Variants in MAPK8 observed in about 807,000 individuals in gnomAD.
MAPK8 encodes JUN N-terminal kinase.
A neutral mutation model predicts 52.9 loss-of-function variants in MAPK8; 13 were observed. The observed-to-expected ratio is 0.25, with a 90% CI of 0.16 to 0.39. MAPK8 has a LOEUF of 0.39. MAPK8 is among the 10% of genes least tolerant of loss of function. MAPK8 has a pLI of 1.00. For synonymous variants in MAPK8, 191 were observed against 169.8 expected, an observed-to-expected ratio of 1.12 and a Z score of -0.97; for missense variants, 300 against 519.2, an observed-to-expected ratio of 0.58 and a Z score of 4.10.
chr10:48,413,540 C>T (rs74434741), intron 5 of MAPK8, among the ~76,000 whole-genome samples: 28,886 of 151,658 alleles, frequency 0.19, 2,932 homozygotes, highest in South Asian at 0.29. Flanking sequence ...CACTTGATTG[C>T]CGTAAACCTT....
Position 48,435,244 on chromosome 10 carries a change from T to C in MAPK8, c.*215T>C. On this transcript the variant is annotated 3_prime_UTR_variant, in exon 12 of 12. Coordinates refer to ENST00000374189, the MANE Select transcript of MAPK8 (RefSeq NM_001323329.2). ...CAGCAACAAAACTGTATTGTATTTT[T>C]TTTGCTGTAATTAACTGTATAATGT... The C allele has an allele frequency of 2.3e-6, 1 of 443,982 alleles. No individual in the cohort carries two copies. Among genetic ancestry groups the C allele is most frequent in the Non-Finnish European group, 4.0e-6 (1 of 252,986 alleles). The allele number at this position is 443,982 out of a possible 1,614,324, so 27.5% of individuals were successfully genotyped here.
intron 3 of MAPK8, among the ~76,000 whole-genome samples, chr10:48,406,607 A>T (rs2042484902): frequency 1.3e-5 from 2 of 152,224 alleles, no homozygotes. Flanking sequence ...ATAAAGCTAA[A>T]TATGGGAAAA....
Position 48,307,840 on chromosome 10 carries a change from AC to A in MAPK8, c.-50+1021del, listed in dbSNP as rs1841558593. Among the ~76,000 whole-genome samples the A allele has an allele frequency of 2.0e-5, 3 of 152,150 alleles. No homozygotes were observed. The South Asian group carries it at 6.2e-4, about 31-fold the overall frequency. ...TTCATTCATTCAGCAGCTGTTTAGT[AC>A]CGTACTCAGATGAAGAGGTTTGGTG... is the stretch of plus-strand genomic sequence containing the variant. On this transcript the variant is annotated intron_variant, in intron 1 of 11. Coordinates refer to ENST00000374189, the MANE Select transcript of MAPK8 (RefSeq NM_001323329.2).
In MAPK8 at chr10:48,437,576, C is replaced by T. The variant is rs1339864527; in HGVS notation, c.*2547C>T. ...GTCTTCCTGGTTACTATTCTCTTCCCTCTAATATATACTGGCCATTTGTAA... is the reference window on the plus strand; with the variant it reads ...GTCTTCCTGGTTACTATTCTCTTCCTTCTAATATATACTGGCCATTTGTAA... On this transcript the variant is annotated 3_prime_UTR_variant, in exon 12 of 12. Transcript: ENST00000374189. The T allele has an allele frequency of 6.6e-6, 1 of 152,092 alleles. No homozygotes were observed. The highest frequency in any genetic ancestry group is 1.5e-5 in the Non-Finnish European group (1 of 68,014). The allele number at this position is 152,092 out of a possible 1,614,324, so 9.4% of individuals were successfully genotyped here.
chr10:48,343,635 C>T (rs1845508183), intron 1 of MAPK8, among the ~76,000 whole-genome samples: 1 of 152,126 alleles, frequency 6.6e-6, no homozygotes, highest in Admixed American at 6.5e-5. Flanking sequence ...AATCAGTAGC[C>T]TCAGAGAGTG....
At chr10:48,405,106 G>GATATATATATATATAT (rs10657070) in intron 3 of MAPK8, 125 bp downstream of exon 3, 6 of 228,476 alleles carry the variant, frequency 2.6e-5, no homozygotes, top group African/African-American at 1.2e-4. Context: ...GTTTAAAAGG[G>GATATATATATATATAT]ATATATATAT....
rs1195223263 is a variant in MAPK8 at position 48,420,187 on chromosome 10, T to G, written c.483T>G (p.Ser161=). The change falls in exon 6 of 12, where the codon TCT becomes TCG. Residue 161 remains serine, a synonymous_variant. Transcript: ENST00000374189. ...AGCCCAGTAATATAGTAGTAAAATCTGATTGCACTTTGAAGATTCTTGACT... is the reference window on the plus strand; with the variant it reads ...AGCCCAGTAATATAGTAGTAAAATCGGATTGCACTTTGAAGATTCTTGACT... The part of the protein sequence containing the change: ...DLKPSNIVVK[S]DCTLKILDFG... 6.2e-7 allele frequency: 1 copy of G among 1,613,790 alleles called. No individual in the cohort carries two copies. Among genetic ancestry groups the G allele is most frequent in the Admixed American group, 1.7e-5 (1 of 59,962 alleles).
At chr10:48,379,245 T>G (rs1443086064) in intron 1 of MAPK8, among the ~76,000 whole-genome samples, 3 of 152,204 alleles carry the variant, frequency 2.0e-5, no homozygotes, top group Non-Finnish European at 2.9e-5. Flanking sequence ...GTGACATTCT[T>G]TACATACCGC....
At chr10:48,405,258 T>C (rs1418231858) in intron 3 of MAPK8, among the ~76,000 whole-genome samples, 2 of 152,172 alleles carry the variant, frequency 1.3e-5, no homozygotes, top group East Asian at 3.8e-4. Context: ...GAGAAGAATT[T>C]TATTCAGCTT....
chr10:48,378,678 T>G (rs2040813791), intron 1 of MAPK8, among the ~76,000 whole-genome samples: 1 of 152,076 alleles, frequency 6.6e-6, no homozygotes, highest in South Asian at 2.1e-4. Context: ...GTTATAGTTT[T>G]CTTATGAAAC....
At chr10:48,339,048 A>G (rs1455709740) in intron 1 of MAPK8, among the ~76,000 whole-genome samples, 2 of 152,196 alleles carry the variant, frequency 1.3e-5, no homozygotes, top group Non-Finnish European at 2.9e-5. Context: ...CTATCAAATT[A>G]CCAATGTGAT....
chr10:48,373,346 A>G (rs182100014), intron 1 of MAPK8, among the ~76,000 whole-genome samples: 140 of 152,132 alleles, frequency 9.2e-4, no homozygotes, highest in African/African-American at 2.6e-3. Context: ...CAAAATAACC[A>G]GCTAGCATCA....
At chr10:48,325,283 TAAG>T (rs1004947109) in intron 1 of MAPK8, among the ~76,000 whole-genome samples, 1 of 152,204 alleles carries the variant, frequency 6.6e-6, no homozygotes, top group Non-Finnish European at 1.5e-5. Context: ...TTTCCTCTGT[TAAG>T]AAGACCTTTC....
chr10:48,380,501 G>A (rs1824682768), intron 1 of MAPK8, among the ~76,000 whole-genome samples: 1 of 151,254 alleles, frequency 6.6e-6, no homozygotes, highest in African/African-American at 2.4e-5. Flanking sequence ...GGAGGCTGAG[G>A]CAGGCAGATC....
chr10:48,431,460 G>A (rs919790031), intron 11 of MAPK8, among the ~76,000 whole-genome samples, 190 bp downstream of exon 11: 4 of 152,094 alleles, frequency 2.6e-5, no homozygotes, highest in African/African-American at 9.7e-5. Context: ...CTGTTCATAA[G>A]ATGCACATCT....
intron 3 of MAPK8, among the ~76,000 whole-genome samples, chr10:48,408,301 G>C (rs1435389424): frequency 6.6e-6 from 1 of 152,100 alleles, no homozygotes; most frequent in Non-Finnish European, 1.5e-5. Context: ...ACAGTGTGCT[G>C]AATACCATAA....
At chr10:48,345,061 A>G (rs566910140) in intron 1 of MAPK8, among the ~76,000 whole-genome samples, 1 of 152,392 alleles carries the variant, frequency 6.6e-6, no homozygotes, top group East Asian at 1.9e-4. Context: ...AAGAATTGTA[A>G]TAATATAAGA....
At chr10:48,409,304 T>A (rs541678741) in intron 3 of MAPK8, among the ~76,000 whole-genome samples, 58 of 152,314 alleles carry the variant, frequency 3.8e-4, no homozygotes, top group African/African-American at 1.3e-3. Flanking sequence ...AGCCTTCTTT[T>A]GTAAAAGAGA....
chr10:48,428,184 A>G (rs985620424), intron 10 of MAPK8, among the ~76,000 whole-genome samples: 1 of 152,202 alleles, frequency 6.6e-6, no homozygotes, highest in Non-Finnish European at 1.5e-5. Context: ...ATTCTATTTT[A>G]TGAATGTGGC....
Sources: gnomAD v4.1 joint callset for allele counts (sites outside exome capture counted in the v4.1 genomes callset) on GRCh38, gnomAD v4.1.1 for gene constraint, MANE v1.5 for transcripts, NCBI Gene and HGNC (gene_info 2026-07-23, HGNC 2026-07-21) for gene names.